Variants in ANO1 observed in about 807,000 individuals in gnomAD.
ANO1 encodes the protein anoctamin-1.
ANO1 carries 59 observed loss-of-function variants against 124.0 expected under a neutral mutation model. The observed-to-expected ratio is 0.48, with a 90% CI of 0.39 to 0.59. The LOEUF (loss-of-function observed/expected upper bound fraction) is 0.59. Ranked by LOEUF, ANO1 falls within the 20% of genes least tolerant of loss-of-function variation. ANO1 has a pLI of 0.00. For missense variants in ANO1, 1,059 were observed against 1,328.0 expected, an observed-to-expected ratio of 0.80 and a Z score of 3.15; for synonymous variants, 529 against 532.0, an observed-to-expected ratio of 0.99 and a Z score of 0.08.
At position 70,161,707 on chromosome 11, in the gene ANO1, C is replaced by G; in HGVS notation, c.1866C>G (p.Ile622Met). 1 of 1,614,042 alleles carries G rather than the reference C, an allele frequency of 6.2e-7. No individual in the cohort carries two copies. Among genetic ancestry groups the G allele is most frequent in the Non-Finnish European group, 8.5e-7 (1 of 1,179,890 alleles). ...LLKFVNSYTP[I>M]FYVAFFKGRF... ...AGTTTGTGAATTCCTACACCCCCATCTTTTACGTGGCGTTCTTCAAAGGCC... is the reference window on the plus strand; with the variant it reads ...AGTTTGTGAATTCCTACACCCCCATGTTTTACGTGGCGTTCTTCAAAGGCC... The change falls in exon 18 of 26, where the codon ATC (isoleucine) becomes ATG (methionine). Residue 622 changes from isoleucine to methionine, a missense_variant. By Grantham distance (10) the Ile-to-Met change is conservative. This residue lies in a region of ANO1 where 809 missense variants were observed against 1,094.9 expected (regional missense o/e 0.74). Coordinates refer to ENST00000355303, the MANE Select transcript of ANO1 (RefSeq NM_018043.7).
intron 8 of ANO1, among the ~76,000 whole-genome samples, chr11:70,122,636 TTCTC>T (rs955144637): frequency 2.3e-5 from 3 of 128,028 alleles, no homozygotes; most frequent in Admixed American, 1.5e-4. Context: ...TCCCTCCCCC[TTCTC>T]TCTCTCTGTC....
chr11:70,013,767 A>G (rs958785046), intron 1 of ANO1, among the ~76,000 whole-genome samples: 1 of 147,256 alleles, frequency 6.8e-6, no homozygotes, highest in South Asian at 2.2e-4. Context: ...GCGCCACTGC[A>G]CTCCAGCCTG....
At position 70,087,959 on chromosome 11, in the gene ANO1, G is replaced by T; in HGVS notation, c.316G>T (p.Ala106Ser). Residue 106 changes from alanine (A) to serine (S), a missense_variant, in exon 2 of 26, where the codon GCG (alanine) becomes TCG (serine). Transcript: ENST00000355303. ...KQDHPLPGKG[A>S]SLDAGSGEPP... ...GGACCACCCCCTGCCGGGCAAGGGG[G>T]CGTCGCTGGATGCAGGCTCGGGGGA... The T allele has an allele frequency of 6.3e-7, 1 of 1,593,624 alleles. No homozygotes were observed. The highest frequency in any genetic ancestry group is 8.6e-7 in the Non-Finnish European group (1 of 1,169,144).
chr11:70,150,617 C>T (rs2047565224), intron 12 of ANO1, among the ~76,000 whole-genome samples: 1 of 152,160 alleles, frequency 6.6e-6, no homozygotes, highest in South Asian at 2.1e-4. Context: ...TCACTGCAGC[C>T]TTGACCTCCC....
intron 11 of ANO1, among the ~76,000 whole-genome samples, chr11:70,134,870 G>T (rs1242667450): frequency 5.3e-5 from 8 of 152,226 alleles, no homozygotes; most frequent in African/African-American, 1.7e-4. Flanking sequence ...GCTGTGGCAG[G>T]AGCTCCAGGT....
At chr11:70,080,157 C>T (rs1371381018) in intron 1 of ANO1, among the ~76,000 whole-genome samples, 1 of 152,216 alleles carries the variant, frequency 6.6e-6, no homozygotes, top group Non-Finnish European at 1.5e-5. Flanking sequence ...GGGACTATTC[C>T]ATAGTGCTGG....
chr11:70,167,803 G>A (rs1181742994), intron 21 of ANO1, among the ~76,000 whole-genome samples: 1 of 152,126 alleles, frequency 6.6e-6, no homozygotes, highest in Non-Finnish European at 1.5e-5. Context: ...ACCAGCCGAG[G>A]GCCCGGCCCT....
intron 25 of ANO1, among the ~76,000 whole-genome samples, chr11:70,186,799 T>C (rs2049145275): frequency 6.6e-6 from 1 of 152,174 alleles, no homozygotes; most frequent in East Asian, 1.9e-4. Context: ...AAGTCCCAGT[T>C]CTGTCACAGG....
At chr11:70,139,996 C>G (rs1307917153) in intron 11 of ANO1, among the ~76,000 whole-genome samples, 1 of 152,222 alleles carries the variant, frequency 6.6e-6, no homozygotes, top group Non-Finnish European at 1.5e-5. Context: ...AATACACCTC[C>G]TTCCCTTTGG....
At chr11:70,018,826 C>G (rs1285103502) in intron 1 of ANO1, among the ~76,000 whole-genome samples, 3 of 152,214 alleles carry the variant, frequency 2.0e-5, no homozygotes, top group Non-Finnish European at 4.4e-5. Context: ...CATTATGCAT[C>G]TGTTCATCTG....
chr11:69,967,255 G>C, the ANO1 span, among the ~76,000 whole-genome samples: 6 of 101,558 alleles, frequency 5.9e-5, no homozygotes, highest in Non-Finnish European at 1.4e-4. Flanking sequence ...ATCAGGTTCC[G>C]AGCGCCTGTA....
intron 2 of ANO1, among the ~76,000 whole-genome samples, chr11:70,101,585 CAAAAAAAAAAAAA>C (rs71463659): frequency 1.3e-5 from 1 of 75,896 alleles, no homozygotes; most frequent in South Asian, 6.3e-4. Flanking sequence ...GATTAAAAAC[CAAAAAAAAAAAAA>C]AAAAAAAAAC....
intron 11 of ANO1, among the ~76,000 whole-genome samples, chr11:70,145,819 C>G (rs541193785): frequency 6.6e-6 from 1 of 152,072 alleles, no homozygotes; most frequent in South Asian, 2.1e-4. Flanking sequence ...CACCTGTAGT[C>G]CCAGCTACTT....
At chr11:70,085,255 C>G (rs1475583633) in intron 1 of ANO1, among the ~76,000 whole-genome samples, 1 of 152,158 alleles carries the variant, frequency 6.6e-6, no homozygotes, top group East Asian at 1.9e-4. Context: ...TCCGTGAACC[C>G]CGTCCTTCAT....
intron 21 of ANO1, 81 bp from the exon 22 acceptor site, chr11:70,170,806 G>A: frequency 6.6e-7 from 1 of 1,519,990 alleles, no homozygotes; most frequent in Non-Finnish European, 8.9e-7. Context: ...GACCTGTGCG[G>A]CTCGGCACAC....
At position 70,032,074 on chromosome 11, in the gene ANO1, C is replaced by T. The variant is rs115119332; in HGVS notation, c.58+45908C>T. Among the ~76,000 whole-genome samples, 1,487 of 152,292 alleles carry T rather than the reference C, an allele frequency of 9.8e-3. 25 individuals are homozygous for T. The highest frequency in any genetic ancestry group is 0.034 in the African/African-American group (1,418 of 41,560). ...GGGAGAGGACAGACGTGGCCCCTGC[C>T]CATGAAGCTTGCAGTCCAGGGAGGA... On this transcript the variant is annotated intron_variant, in intron 1 of 27. Transcript: ENST00000531349.
chr11:70,034,723 G>A (rs1223248506), intron 1 of ANO1, among the ~76,000 whole-genome samples: 3 of 152,058 alleles, frequency 2.0e-5, no homozygotes, highest in African/African-American at 4.8e-5. Context: ...AGAGAGCTAA[G>A]GCACTCTTCC....
rs148541254 is a variant in ANO1, at chr11:70,099,222, C to G, written c.442-3844C>G. On this transcript the variant is annotated intron_variant, in intron 2 of 25. Coordinates refer to ENST00000355303, the MANE Select transcript of ANO1 (RefSeq NM_018043.7). ...GGCGAAGGGGACACGGCTGTCACTC[C>G]CAGTGTCTTCCTGCTGGGGACAGGC... Among the ~76,000 whole-genome samples, 21 of 152,308 alleles carry G rather than the reference C, an allele frequency of 1.4e-4. No individual in the cohort carries two copies. The East Asian group carries it at 4.1e-3, about 29-fold the overall frequency.
At chr11:70,182,477 C>A in intron 23 of ANO1, 25 bp from the exon 24 acceptor site, 1 of 1,478,112 alleles carries the variant, frequency 6.8e-7, no homozygotes, top group Non-Finnish European at 9.0e-7. Context: ...TGGGGGTCCC[C>A]CTCACTGCCA....
Sources: gnomAD v4.1 joint callset for allele counts (sites outside exome capture counted in the v4.1 genomes callset) on GRCh38, gnomAD v4.1.1 for gene constraint, gnomAD v4.1.1 regional missense constraint, MANE v1.5 for transcripts, NCBI Gene and HGNC (gene_info 2026-07-23, HGNC 2026-07-21) for gene names.